SEMA3E: variants seen among roughly 807,000 people sequenced by gnomAD.
SEMA3E encodes the protein semaphorin-3E.
Under a neutral mutation model 93.6 loss-of-function variants are expected in SEMA3E, and 49 were observed. The observed-to-expected ratio is 0.52, with a 90% CI of 0.42 to 0.66. SEMA3E has a LOEUF of 0.66. Ranked by LOEUF, SEMA3E falls within the 30% of genes least tolerant of loss-of-function variation. SEMA3E has a pLI of 0.00. For synonymous variants in SEMA3E, 363 were observed against 330.7 expected, an observed-to-expected ratio of 1.10 and a Z score of -1.06; for missense variants, 906 against 964.8, an observed-to-expected ratio of 0.94 and a Z score of 0.81.
chr7:83,648,714 A>C lies in SEMA3E; in HGVS notation c.-172T>G. The C allele has an allele frequency of 1.5e-6, 1 of 678,350 alleles. No individual in the cohort carries two copies. Among genetic ancestry groups the C allele is most frequent in the Non-Finnish European group, 2.7e-6 (1 of 369,568 alleles). 42.0% of individuals were successfully genotyped at this position (678,350 alleles called of 1,614,324 possible). Reference sequence around the variant, plus strand: ...TTTGTCAGGCTGTATTTGGCTATGTAAAACCTTTCTTTCCTCGGGACAGTT... The same window carrying C: ...TTTGTCAGGCTGTATTTGGCTATGTCAAACCTTTCTTTCCTCGGGACAGTT... On this transcript the variant is annotated 5_prime_UTR_variant, in exon 1 of 17. An upstream open reading frame in the 5' UTR gains an earlier in-frame stop. Coordinates refer to ENST00000643230, the MANE Select transcript of SEMA3E (RefSeq NM_012431.3).
chr7:83,387,514 A>G (rs77063249), intron 14 of SEMA3E, among the ~76,000 whole-genome samples: 8 of 152,216 alleles, frequency 5.3e-5, no homozygotes, highest in Non-Finnish European at 1.2e-4. Context: ...AGTTTGTTCT[A>G]TAGCCATTAT....
intron 4 of SEMA3E, among the ~76,000 whole-genome samples, chr7:83,445,279 G>A (rs770471798): frequency 2.6e-5 from 4 of 152,192 alleles, no homozygotes; most frequent in Non-Finnish European, 5.9e-5. Context: ...AAGTAAGCTT[G>A]AGGCAAAATT....
chr7:83,556,475 A>G (rs146411950), intron 1 of SEMA3E, among the ~76,000 whole-genome samples: 3 of 152,286 alleles, frequency 2.0e-5, no homozygotes, highest in African/African-American at 7.2e-5. Context: ...CATGTATGTT[A>G]CATTTCGTGA....
chr7:83,507,442 GT>G (rs1790726348), intron 1 of SEMA3E, among the ~76,000 whole-genome samples: 1 of 130,168 alleles, frequency 7.7e-6, no homozygotes, highest in African/African-American at 2.7e-5. Flanking sequence ...GTGTGTGTGT[GT>G]GTGTGTGTGT....
At chr7:83,592,211 A>G (rs768232425) in intron 1 of SEMA3E, among the ~76,000 whole-genome samples, 3 of 152,088 alleles carry the variant, frequency 2.0e-5, no homozygotes, top group Admixed American at 6.6e-5. Flanking sequence ...TGAAATTCGG[A>G]CATCTTTTTT....
intron 1 of SEMA3E, among the ~76,000 whole-genome samples, chr7:83,593,278 C>CTG: frequency 9.3e-6 from 1 of 108,032 alleles, no homozygotes; most frequent in East Asian, 3.2e-4. Context: ...CTCTCTCTCT[C>CTG]TCTCTCTGTG....
chr7:83,611,976 C>T (rs1793275756), intron 1 of SEMA3E, among the ~76,000 whole-genome samples: 1 of 152,118 alleles, frequency 6.6e-6, no homozygotes, highest in African/African-American at 2.4e-5. Flanking sequence ...CTCCCACTGT[C>T]CTCCCTGCTC....
intron 1 of SEMA3E, among the ~76,000 whole-genome samples, chr7:83,591,062 T>A (rs1234284814): frequency 1.3e-5 from 2 of 149,452 alleles, no homozygotes; most frequent in Non-Finnish European, 3.0e-5. Flanking sequence ...AATTTATTTC[T>A]TAATGTTATC....
At chr7:83,513,811 C>G (rs1790873815) in intron 1 of SEMA3E, among the ~76,000 whole-genome samples, 1 of 152,056 alleles carries the variant, frequency 6.6e-6, no homozygotes, top group Non-Finnish European at 1.5e-5. Context: ...CTATATTGAT[C>G]GAGCTGGTAA....
At chr7:83,535,188 T>C (rs556317554) in intron 1 of SEMA3E, among the ~76,000 whole-genome samples, 2 of 152,198 alleles carry the variant, frequency 1.3e-5, no homozygotes, top group South Asian at 4.1e-4. Flanking sequence ...AGACTCTTAC[T>C]GAGTCTCATC....
intron 2 of SEMA3E, among the ~76,000 whole-genome samples, 173 bp downstream of exon 2, chr7:83,489,941 A>G (rs1184436915): frequency 1.3e-5 from 2 of 152,112 alleles, no homozygotes; most frequent in Non-Finnish European, 2.9e-5. Flanking sequence ...TTCATACAAC[A>G]TGATTTAGAA....
chr7:83,402,257 G>A (rs757044064), intron 10 of SEMA3E, among the ~76,000 whole-genome samples: 1 of 151,934 alleles, frequency 6.6e-6, no homozygotes. Context: ...TGTCCTGCTT[G>A]GAAATTATAT....
intron 1 of SEMA3E, among the ~76,000 whole-genome samples, chr7:83,618,180 T>C (rs904649507): frequency 6.6e-6 from 1 of 152,098 alleles, no homozygotes; most frequent in African/African-American, 2.4e-5. Flanking sequence ...CAGTACCTAT[T>C]ATGATTCAGA....
chr7:83,499,660 T>C (rs1036385831), intron 1 of SEMA3E, among the ~76,000 whole-genome samples: 4 of 152,180 alleles, frequency 2.6e-5, no homozygotes, highest in Non-Finnish European at 5.9e-5. Context: ...GTATCACTTA[T>C]GTTGGAAAGA....
At chr7:83,386,079 A>G (rs975500925) in intron 15 of SEMA3E, among the ~76,000 whole-genome samples, 6 of 152,110 alleles carry the variant, frequency 3.9e-5, no homozygotes, top group Admixed American at 3.3e-4. Flanking sequence ...ATTTTAAACT[A>G]AGACAAATTC....
chr7:83,538,760 C>T (rs1226265179), intron 1 of SEMA3E, among the ~76,000 whole-genome samples: 2 of 152,126 alleles, frequency 1.3e-5, no homozygotes, highest in Non-Finnish European at 2.9e-5. Flanking sequence ...TATCCCAGAA[C>T]TCTATTTTAG....
At chr7:83,382,598 T>C (rs1237854642) in intron 16 of SEMA3E, among the ~76,000 whole-genome samples, 1 of 151,880 alleles carries the variant, frequency 6.6e-6, no homozygotes, top group African/African-American at 2.4e-5. Context: ...TCTCAGGATA[T>C]CATAATAATT....
At chr7:83,496,974 A>T (rs1790501539) in intron 1 of SEMA3E, among the ~76,000 whole-genome samples, 1 of 152,128 alleles carries the variant, frequency 6.6e-6, no homozygotes, top group African/African-American at 2.4e-5. Flanking sequence ...TAAAAATAAC[A>T]TGAATTGCTT....
chr7:83,622,751 G>A (rs1446387949), intron 1 of SEMA3E, among the ~76,000 whole-genome samples: 1 of 152,154 alleles, frequency 6.6e-6, no homozygotes, highest in East Asian at 1.9e-4. Context: ...AGCACAGCGT[G>A]TTCTCACTTA....
Sources: gnomAD v4.1 joint callset for allele counts (sites outside exome capture counted in the v4.1 genomes callset) on GRCh38, gnomAD v4.1.1 for gene constraint, MANE v1.5 for transcripts, NCBI Gene and HGNC (gene_info 2026-07-23, HGNC 2026-07-21) for gene names.